The following SARNP variants were observed in gnomAD, a reference collection of about 807,000 sequenced individuals.
The protein encoded by SARNP is SAP domain containing ribonucleoprotein.
In SARNP, 5 loss-of-function variants were observed where a neutral mutation model predicts 38.1. The ratio of observed to expected loss-of-function variants is 0.13; its 90% CI spans 0.07 to 0.28. The LOEUF (loss-of-function observed/expected upper bound fraction) is 0.28, where lower values mean the gene tolerates loss of function less well. Among genes scored for constraint, SARNP ranks in the 10% least tolerant of loss-of-function variants. SARNP has a pLI of 1.00. For synonymous variants in SARNP, 84 were observed against 80.6 expected (o/e 1.04, Z -0.23); for missense variants, 180 against 243.9 (o/e 0.74, Z 1.75).
chr12:55,807,599 G>C (rs149643942), intron 1 of SARNP, among the ~76,000 whole-genome samples: 2 of 148,790 alleles, frequency 1.3e-5, no homozygotes, highest in African/African-American at 2.5e-5. Flanking sequence ...TCAGGAGATA[G>C]AGACCATCCT....
intron 9 of SARNP, among the ~76,000 whole-genome samples, chr12:55,773,323 C>A (rs569076682): frequency 1.3e-5 from 2 of 152,224 alleles, no homozygotes; most frequent in African/African-American, 4.8e-5. Context: ...TTTAAAATTT[C>A]TCATCAAGTC....
At chr12:55,753,294 G>C (rs1353973158), downstream of SARNP, 1 of 152,174 alleles carries the variant, frequency 6.6e-6, no homozygotes, top group African/African-American at 2.4e-5. Flanking sequence ...AACGAAGTTT[G>C]ACAAAAATCT....
At chr12:55,782,279 T>A (rs1308446659) in intron 9 of SARNP, among the ~76,000 whole-genome samples, 1 of 152,206 alleles carries the variant, frequency 6.6e-6, no homozygotes, top group East Asian at 1.9e-4. Context: ...TGCCCTCACA[T>A]TCCTGGGGAA....
At chr12:55,776,226 C>T (rs1879176719) in intron 9 of SARNP, among the ~76,000 whole-genome samples, 1 of 152,024 alleles carries the variant, frequency 6.6e-6, no homozygotes, top group Non-Finnish European at 1.5e-5. Context: ...ACTCCTTGAG[C>T]CCAGGAGTTT....
intron 1 of SARNP, among the ~76,000 whole-genome samples, chr12:55,814,389 T>C (rs1275413350): frequency 1.3e-5 from 2 of 152,198 alleles, no homozygotes; most frequent in Non-Finnish European, 2.9e-5. Flanking sequence ...TTCCAAACTA[T>C]CTTCAACTAC....
chr12:55,768,254 T>C (rs1878904043), intron 9 of SARNP, among the ~76,000 whole-genome samples: 1 of 151,718 alleles, frequency 6.6e-6, no homozygotes, highest in Non-Finnish European at 1.5e-5. Context: ...GCCTCCCAAG[T>C]AGCTGGGATT....
chr12:55,782,221 T>C (rs2136190104), intron 9 of SARNP, among the ~76,000 whole-genome samples: 2 of 152,330 alleles, frequency 1.3e-5, no homozygotes, highest in South Asian at 4.1e-4. Flanking sequence ...AATAAGGATA[T>C]AAAATGCTTG....
At chr12:55,771,165 C>T (rs759390215) in intron 9 of SARNP, among the ~76,000 whole-genome samples, 3 of 152,014 alleles carry the variant, frequency 2.0e-5, no homozygotes, top group Non-Finnish European at 4.4e-5. Context: ...ACCATGTTAG[C>T]CAGGCTGGTC....
intron 9 of SARNP, among the ~76,000 whole-genome samples, chr12:55,769,715 A>G (rs992346845): frequency 5.9e-5 from 9 of 152,268 alleles, no homozygotes; most frequent in African/African-American, 1.7e-4. Flanking sequence ...TGCTCAGTAG[A>G]AACTATACTT....
intron 9 of SARNP, among the ~76,000 whole-genome samples, chr12:55,766,753 G>C (rs1878848874): frequency 6.6e-6 from 1 of 151,804 alleles, no homozygotes; most frequent in Non-Finnish European, 1.5e-5. Context: ...CTTCCAAGCA[G>C]CTGGGACCAC....
intron 4 of SARNP, among the ~76,000 whole-genome samples, chr12:55,798,767 T>C (rs1444392510): frequency 6.6e-6 from 1 of 152,228 alleles, no homozygotes; most frequent in Non-Finnish European, 1.5e-5. Context: ...AGTTGATAAC[T>C]AGTAAATCTG....
At chr12:55,809,284 A>G (rs1880253231) in intron 1 of SARNP, among the ~76,000 whole-genome samples, 1 of 148,502 alleles carries the variant, frequency 6.7e-6, no homozygotes, top group Non-Finnish European at 1.5e-5. Context: ...AAGGCTATTG[A>G]AAAAAAAAAA....
At chr12:55,784,948 T>C (rs182268065) in intron 9 of SARNP, among the ~76,000 whole-genome samples, 2 of 152,354 alleles carry the variant, frequency 1.3e-5, no homozygotes, top group East Asian at 1.9e-4. Context: ...CTGGAAACCA[T>C]ACATATTCTA....
intron 9 of SARNP, chr12:55,761,604 C>T (rs1878677384): frequency 6.6e-6 from 1 of 152,218 alleles, no homozygotes; most frequent in Non-Finnish European, 1.5e-5. Flanking sequence ...TGAGTTGGAG[C>T]TCGCCATTAT....
chr12:55,817,532 A>C (rs1880531605), intron 1 of SARNP, 134 bp downstream of exon 1: 2 of 791,072 alleles, frequency 2.5e-6, no homozygotes, highest in Non-Finnish European at 4.1e-6. Flanking sequence ...AGGGTGGCAC[A>C]AAAGAGCTAC....
chr12:55,790,435 C>T (rs1879631235), intron 8 of SARNP, 132 bp downstream of exon 8: 3 of 1,010,910 alleles, frequency 3.0e-6, no homozygotes, highest in Admixed American at 7.4e-5. Context: ...TCAAGACATA[C>T]AACATTGTAC....
chr12:55,804,817 T>C (rs1257615542), intron 1 of SARNP, among the ~76,000 whole-genome samples: 2 of 152,162 alleles, frequency 1.3e-5, no homozygotes, highest in African/African-American at 4.8e-5. Flanking sequence ...GATGACCTTT[T>C]TTGTTTTGGA....
At chr12:55,776,492 T>C (rs1321477194) in intron 9 of SARNP, among the ~76,000 whole-genome samples, 1 of 152,236 alleles carries the variant, frequency 6.6e-6, no homozygotes, top group African/African-American at 2.4e-5. Context: ...CTACATACTT[T>C]AAATCATCTC....
chr12:55,794,914 G>C (rs1879776885), intron 5 of SARNP, 34 bp from the exon 6 acceptor site: 1 of 741,426 alleles, frequency 1.3e-6, no homozygotes, highest in Admixed American at 2.5e-5. Flanking sequence ...AGAAAAAAAA[G>C]TCAATTTATG....
Sources: allele counts gnomAD v4.1 joint callset (sites outside exome capture counted in the v4.1 genomes callset), GRCh38; gene constraint gnomAD v4.1.1; transcripts MANE v1.5; gene names NCBI Gene and HGNC (gene_info 2026-07-23, HGNC 2026-07-21).